The following CHST11 variants were observed in gnomAD, a reference collection of about 807,000 sequenced individuals.
CHST11 encodes the protein C4S-1.
In CHST11, 9 loss-of-function variants were observed where a neutral mutation model predicts 30.4. The ratio of observed to expected loss-of-function variants is 0.30; its 90% CI spans 0.18 to 0.52. The LOEUF is 0.52. Among genes scored for constraint, CHST11 ranks in the 20% least tolerant of loss-of-function variants. The pLI, the probability that CHST11 is intolerant of heterozygous loss-of-function variation, is 0.97. For missense variants in CHST11, 348 were observed against 460.6 expected (o/e 0.76, Z 2.24); for synonymous variants, 152 against 187.8 (o/e 0.81, Z 1.56).
chr12:104,501,912 G>A (rs541447244), intron 1 of CHST11, among the ~76,000 whole-genome samples: 6 of 152,330 alleles, frequency 3.9e-5, no homozygotes, highest in Admixed American at 3.9e-4. Context: ...TGATTTTAGG[G>A]TAAGGCACAG....
chr12:104,612,044 C>A (rs1311156930), intron 2 of CHST11, among the ~76,000 whole-genome samples: 3 of 152,240 alleles, frequency 2.0e-5, no homozygotes, highest in Non-Finnish European at 4.4e-5. Context: ...CCTTCCGCTC[C>A]TACCTCCTTT....
At chr12:104,715,400 A>T (rs1341633262) in intron 2 of CHST11, among the ~76,000 whole-genome samples, 1 of 152,080 alleles carries the variant, frequency 6.6e-6, no homozygotes, top group Non-Finnish European at 1.5e-5. Context: ...ATAAAAATGA[A>T]GACAGTAACG....
At chr12:104,659,018 C>T (rs1025762751) in intron 2 of CHST11, among the ~76,000 whole-genome samples, 1 of 152,220 alleles carries the variant, frequency 6.6e-6, no homozygotes, top group African/African-American at 2.4e-5. Context: ...CGTAATATTC[C>T]ACTTGAAGCC....
At chr12:104,510,285 T>G (rs2037951495) in intron 1 of CHST11, among the ~76,000 whole-genome samples, 1 of 152,204 alleles carries the variant, frequency 6.6e-6, no homozygotes, top group African/African-American at 2.4e-5. Flanking sequence ...AAACCCTGCT[T>G]CCATTTCATG....
At chr12:104,557,297 G>C (rs1162932509) in intron 1 of CHST11, among the ~76,000 whole-genome samples, 2 of 152,206 alleles carry the variant, frequency 1.3e-5, no homozygotes, top group Non-Finnish European at 2.9e-5. Flanking sequence ...TGGGAACAGG[G>C]CTCCTTCACC....
chr12:104,596,144 G>A (rs1484321187), intron 1 of CHST11, among the ~76,000 whole-genome samples: 1 of 152,212 alleles, frequency 6.6e-6, no homozygotes, highest in East Asian at 1.9e-4. Context: ...AAGGAGCTGG[G>A]TATTGCTCAC....
rs2040509269 is a variant in CHST11 at position 104,759,767 on chromosome 12, T to C, written c.*1964T>C. The C allele has an allele frequency of 6.6e-6, 1 of 152,206 alleles. No individual in the cohort carries two copies. Among genetic ancestry groups the C allele is most frequent in the Non-Finnish European group, 1.5e-5 (1 of 68,040 alleles). The allele number at this position is 152,206 out of a possible 1,614,324, so 9.4% of individuals were successfully genotyped here. ...TCCCCTTTGTGAAGGGCGCAGCAAC[T>C]ATACCCTTGATGGATGGAGATTTAC... is the stretch of plus-strand genomic sequence containing the variant. On this transcript the variant is annotated 3_prime_UTR_variant, in exon 3 of 3. Transcript: ENST00000303694.
At chr12:104,704,381 G>C (rs1020977258) in intron 2 of CHST11, among the ~76,000 whole-genome samples, 11 of 152,212 alleles carry the variant, frequency 7.2e-5, no homozygotes, top group African/African-American at 2.4e-4. Flanking sequence ...GAGGGAGGAA[G>C]GGGAAGCTGC....
At chr12:104,737,197 G>A (rs73392338) in intron 2 of CHST11, among the ~76,000 whole-genome samples, 137 of 152,364 alleles carry the variant, frequency 9.0e-4, no homozygotes, top group African/African-American at 3.1e-3. Context: ...CAGAAGCCAC[G>A]TAGATCTGGG....
intron 2 of CHST11, among the ~76,000 whole-genome samples, chr12:104,644,477 C>T (rs2039407399): frequency 6.6e-6 from 1 of 152,204 alleles, no homozygotes; most frequent in Non-Finnish European, 1.5e-5. Flanking sequence ...GCAGAGTGGC[C>T]CTGCTTGCAT....
chr12:104,556,221 A>G (rs1290346009), intron 1 of CHST11, among the ~76,000 whole-genome samples: 3 of 151,944 alleles, frequency 2.0e-5, no homozygotes, highest in African/African-American at 7.2e-5. Flanking sequence ...GCCCTGTGGG[A>G]CCCCATTTTA....
At chr12:104,568,152 T>C (rs777913250) in intron 1 of CHST11, among the ~76,000 whole-genome samples, 2 of 152,210 alleles carry the variant, frequency 1.3e-5, no homozygotes, top group Non-Finnish European at 2.9e-5. Flanking sequence ...CTGGGTCCCA[T>C]GATCAGGGCT....
At chr12:104,634,248 A>C (rs2039301007) in intron 2 of CHST11, among the ~76,000 whole-genome samples, 1 of 152,206 alleles carries the variant, frequency 6.6e-6, no homozygotes, top group Admixed American at 6.5e-5. Flanking sequence ...TCCCCAGTGC[A>C]TAGTAGGCAC....
intron 2 of CHST11, among the ~76,000 whole-genome samples, chr12:104,727,779 G>A (rs1008447511): frequency 2.0e-5 from 3 of 152,318 alleles, no homozygotes; most frequent in South Asian, 2.1e-4. Flanking sequence ...CATGAAAATG[G>A]CAAACGAGCT....
At chr12:104,693,713 G>A (rs2039919400) in intron 2 of CHST11, among the ~76,000 whole-genome samples, 1 of 152,152 alleles carries the variant, frequency 6.6e-6, no homozygotes, top group African/African-American at 2.4e-5. Context: ...GCTTCCTGGA[G>A]GAGGCGACAA....
chr12:104,742,587 C>T (rs1242814068), intron 2 of CHST11, among the ~76,000 whole-genome samples: 6 of 152,214 alleles, frequency 3.9e-5, no homozygotes, highest in Non-Finnish European at 5.9e-5. Flanking sequence ...GGAAAGCAGG[C>T]CAGCTTGGCA....
chr12:104,550,149 C>T (rs1427053672), intron 1 of CHST11, among the ~76,000 whole-genome samples: 3 of 152,130 alleles, frequency 2.0e-5, no homozygotes, highest in Non-Finnish European at 4.4e-5. Context: ...TGGTTGGAGG[C>T]GACCGTTCTT....
intron 1 of CHST11, among the ~76,000 whole-genome samples, chr12:104,515,749 A>G (rs1384730582): frequency 6.6e-6 from 1 of 152,174 alleles, no homozygotes; most frequent in Non-Finnish European, 1.5e-5. Flanking sequence ...AGGAAAGGCC[A>G]TACTGAGAAG....
At chr12:104,747,322 G>A (rs2040396099) in intron 2 of CHST11, among the ~76,000 whole-genome samples, 2 of 152,232 alleles carry the variant, frequency 1.3e-5, no homozygotes, top group East Asian at 3.8e-4. Flanking sequence ...CCCTGAGCTT[G>A]AGCAAGTTAA....
Sources: gnomAD v4.1 joint callset for allele counts (sites outside exome capture counted in the v4.1 genomes callset) on GRCh38, gnomAD v4.1.1 for gene constraint, MANE v1.5 for transcripts, NCBI Gene and HGNC (gene_info 2026-07-23, HGNC 2026-07-21) for gene names.